Variants in DCAF8 observed in about 807,000 individuals in gnomAD.
DCAF8 encodes the protein DDB1- and CUL4-associated factor 8.
A neutral mutation model predicts 68.0 loss-of-function variants in DCAF8; 20 were observed. The observed-to-expected ratio is 0.29, with a 90% CI of 0.21 to 0.43. The LOEUF is 0.43. Among genes scored for constraint, DCAF8 ranks in the 20% least tolerant of loss-of-function variants. DCAF8 has a pLI of 1.00. For missense variants in DCAF8, 460 were observed against 771.0 expected (o/e 0.60, Z 4.78); for synonymous variants, 230 against 276.9 (o/e 0.83, Z 1.68).
At chr1:160,260,178 C>A (rs1373223222) in intron 2 of DCAF8, among the ~76,000 whole-genome samples, 2 of 151,796 alleles carry the variant, frequency 1.3e-5, no homozygotes, top group East Asian at 3.9e-4. Flanking sequence ...ATAATACTAA[C>A]AATGACCCTG....
intron 2 of DCAF8, among the ~76,000 whole-genome samples, chr1:160,259,114 T>C (rs1656953930): frequency 6.6e-6 from 1 of 152,234 alleles, no homozygotes; most frequent in Non-Finnish European, 1.5e-5. Context: ...GCTTTCATTG[T>C]GATATTATCA....
chr1:160,236,929 CTG>C (rs1557834727), intron 6 of DCAF8, among the ~76,000 whole-genome samples: 1 of 152,130 alleles, frequency 6.6e-6, no homozygotes, highest in African/African-American at 2.4e-5. Context: ...AACAAGTAAA[CTG>C]TTTGAGAAAT....
chr1:160,239,047 G>A (rs983163636), intron 4 of DCAF8: 1 of 567,986 alleles, frequency 1.8e-6, no homozygotes, highest in South Asian at 6.0e-5. Flanking sequence ...AAAAGGAATA[G>A]AGGAGGAAAA....
intron 2 of DCAF8, among the ~76,000 whole-genome samples, chr1:160,253,595 C>T (rs191789678): frequency 2.7e-4 from 39 of 143,442 alleles, no homozygotes; most frequent in African/African-American, 8.6e-4. Context: ...TTGCAGTGAG[C>T]CGAGATCGCA....
At chr1:160,219,286 C>T (rs1314366608) in intron 11 of DCAF8, 1 of 225,888 alleles carries the variant, frequency 4.4e-6, no homozygotes, top group South Asian at 1.6e-4. Context: ...CAATGAAATC[C>T]AGATGACCTC....
rs773872246 is a variant in DCAF8, at chr1:160,237,096, A to G, written c.959+39T>C. 24 of 1,401,614 alleles carry G rather than the reference A, an allele frequency of 1.7e-5. No individual in the cohort carries two copies. In the South Asian group the frequency reaches 3.1e-4, roughly 18 times the overall value. The allele number at this position is 1,401,614 out of a possible 1,614,324, so 86.8% of individuals were successfully genotyped here. On this transcript the variant is annotated intron_variant, in intron 6 of 13. Coordinates refer to ENST00000368074, the MANE Select transcript of DCAF8 (RefSeq NM_015726.4). ...GACATATGGAATATGTTCAAGGCTAAGAGATACAGTTCTGTAATGATATTA... is the reference window on the plus strand; with the variant it reads ...GACATATGGAATATGTTCAAGGCTAGGAGATACAGTTCTGTAATGATATTA...
chr1:160,254,626 T>C (rs1227177802), intron 2 of DCAF8, among the ~76,000 whole-genome samples: 1 of 151,986 alleles, frequency 6.6e-6, no homozygotes. Flanking sequence ...ACCCCATTTC[T>C]ACTAAAAATA....
At chr1:160,260,688 C>A (rs905087910) in intron 2 of DCAF8, among the ~76,000 whole-genome samples, 1 of 151,922 alleles carries the variant, frequency 6.6e-6, no homozygotes, top group Non-Finnish European at 1.5e-5. Context: ...ATTCTTCAGA[C>A]CAGCTACAAA....
At chr1:160,238,827 C>A in intron 4 of DCAF8, 80 bp from the exon 5 acceptor site, 1 of 1,341,942 alleles carries the variant, frequency 7.5e-7, no homozygotes, top group Non-Finnish European at 1.0e-6. Flanking sequence ...ACGATGATGA[C>A]CTCAACTTAC....
At chr1:160,235,411 A>C (rs1179840618) in intron 6 of DCAF8, among the ~76,000 whole-genome samples, 2 of 151,896 alleles carry the variant, frequency 1.3e-5, no homozygotes, top group Non-Finnish European at 2.9e-5. Flanking sequence ...GAGCCACTGC[A>C]CCTGACCAAG....
In DCAF8 at chr1:160,240,023, C is replaced by G; in HGVS notation, c.397G>C (p.Glu133Gln). 1 of 1,614,220 alleles carries G rather than the reference C, an allele frequency of 6.2e-7. No individual in the cohort carries two copies. Among genetic ancestry groups the G allele is most frequent in the Admixed American group, 1.7e-5 (1 of 60,038 alleles). Reference sequence around the variant, plus strand: ...GACACCCAGTCCTCTAGGGCCCGCTCATCATCTGATGAGTCCTGGTCACGG... The same window carrying G: ...GACACCCAGTCCTCTAGGGCCCGCTGATCATCTGATGAGTCCTGGTCACGG... ...ANRDQDSSDD[E>Q]RALEDWVSSE... Residue 133 changes from glutamate to glutamine, a missense_variant, in exon 4 of 14, where the codon GAG becomes CAG. Around this residue, in one of 8 missense-constraint regions of DCAF8, gnomAD observed 156 missense variants for 181.4 expected, o/e 0.86. Coordinates refer to ENST00000368074, the MANE Select transcript of DCAF8 (RefSeq NM_015726.4).
At chr1:160,238,962 T>C in intron 4 of DCAF8, 1 of 602,960 alleles carries the variant, frequency 1.7e-6, no homozygotes, top group African/African-American at 1.9e-5. Context: ...AAGAGAGCAT[T>C]TCAGTTGGCT....
At chr1:160,219,131 G>T in intron 11 of DCAF8, 163 bp from the exon 12 acceptor site, 1 of 872,578 alleles carries the variant, frequency 1.1e-6, no homozygotes, top group Non-Finnish European at 1.7e-6. Context: ...GGCACTGAGG[G>T]TAGAGAAACC....
At chr1:160,249,885 C>G (rs1197169119) in intron 2 of DCAF8, among the ~76,000 whole-genome samples, 1 of 152,138 alleles carries the variant, frequency 6.6e-6, no homozygotes, top group Non-Finnish European at 1.5e-5. Context: ...TGCAATAATT[C>G]AGACTCAAAC....
At chr1:160,219,129 G>A (rs1655216818) in intron 11 of DCAF8, 161 bp from the exon 12 acceptor site, 9 of 904,078 alleles carry the variant, frequency 1.0e-5, no homozygotes, top group South Asian at 8.8e-5. Context: ...AGGGCACTGA[G>A]GGTAGAGAAA....
intron 11 of DCAF8, among the ~76,000 whole-genome samples, chr1:160,221,933 G>C (rs1655310881): frequency 6.6e-6 from 1 of 152,036 alleles, no homozygotes; most frequent in African/African-American, 2.4e-5. Context: ...TCCACAGAGG[G>C]CTGCAGAACT....
chr1:160,238,493 G>A, intron 5 of DCAF8, 114 bp downstream of exon 5: 1 of 1,178,996 alleles, frequency 8.5e-7, no homozygotes, highest in Non-Finnish European at 1.2e-6. Flanking sequence ...ACTGAAAGAG[G>A]TGAGGCACAT....
In DCAF8 at chr1:160,258,084, C is replaced by T. The variant is rs552563992; in HGVS notation, c.-27+3201G>A. Reference sequence around the variant, plus strand: ...GCATTTAGCAGGGTGCAGTGGCTCACGCCTGTAATCCCAGCACTCTGGGAG... The same window carrying T: ...GCATTTAGCAGGGTGCAGTGGCTCATGCCTGTAATCCCAGCACTCTGGGAG... On this transcript the variant is annotated intron_variant, in intron 2 of 13. Coordinates refer to ENST00000368074, the MANE Select transcript of DCAF8 (RefSeq NM_015726.4). Among the ~76,000 whole-genome samples the T allele has an allele frequency of 4.6e-5, 7 of 152,274 alleles. No individual in the cohort carries two copies. The East Asian group carries it at 9.7e-4, about 21-fold the overall frequency.
Position 160,217,421 on chromosome 1 carries a change from C to A in DCAF8, c.*171G>T. On this transcript the variant is annotated 3_prime_UTR_variant, in exon 14 of 14. Transcript: ENST00000368074. ...AGGGCTCAACTCCCATTCCTAGGTA[C>A]TCTTTGTTGGTTCACTCCTCTGGTT... 1 of 547,248 alleles carries A rather than the reference C, an allele frequency of 1.8e-6. No individual in the cohort carries two copies. Among genetic ancestry groups the A allele is most frequent in the Non-Finnish European group, 3.2e-6 (1 of 309,912 alleles). 33.9% of individuals were successfully genotyped at this position (547,248 alleles called of 1,614,324 possible).
Sources: allele counts gnomAD v4.1 joint callset (sites outside exome capture counted in the v4.1 genomes callset), GRCh38; gene constraint gnomAD v4.1.1; regional missense constraint gnomAD v4.1.1; transcripts MANE v1.5; gene names NCBI Gene and HGNC (gene_info 2026-07-23, HGNC 2026-07-21).